Variants in HSD17B4 observed in about 807,000 individuals in gnomAD.
The protein encoded by HSD17B4 is hydroxysteroid 17-beta dehydrogenase 4.
Under a neutral mutation model 101.0 loss-of-function variants are expected in HSD17B4, and 70 were observed. The observed-to-expected ratio is 0.69, with a 90% CI of 0.57 to 0.85. The LOEUF (loss-of-function observed/expected upper bound fraction) is 0.85. HSD17B4 is among the 40% of genes least tolerant of loss of function. The pLI, the probability that HSD17B4 is intolerant of heterozygous loss-of-function variation, is 0.00. For synonymous variants in HSD17B4, 347 were observed against 297.1 expected, an observed-to-expected ratio of 1.17 and a Z score of -1.73; for missense variants, 984 against 892.4, an observed-to-expected ratio of 1.10 and a Z score of -1.31.
At chr5:119,499,662 T>C (rs1192498625) in intron 13 of HSD17B4, 109 bp downstream of exon 13, 7 of 551,722 alleles carry the variant, frequency 1.3e-5, no homozygotes, top group Non-Finnish European at 2.2e-5. Context: ...TATATTTATA[T>C]AATTATTTAT....
chr5:119,477,720 T>C (rs1748723411), intron 7 of HSD17B4: 1 of 523,812 alleles, frequency 1.9e-6, no homozygotes, highest in Non-Finnish European at 3.5e-6. Flanking sequence ...TTTTTACCTC[T>C]TTTTGTTATT....
intron 20 of HSD17B4, among the ~76,000 whole-genome samples, chr5:119,528,598 A>T (rs1393207594): frequency 3.3e-5 from 5 of 152,084 alleles, no homozygotes; most frequent in Non-Finnish European, 5.9e-5. Flanking sequence ...TTTGTTTTGT[A>T]TGAGTAAGTT....
intron 19 of HSD17B4, among the ~76,000 whole-genome samples, chr5:119,526,276 C>T (rs1039280757): frequency 2.0e-4 from 17 of 85,364 alleles, no homozygotes; most frequent in Non-Finnish European, 3.5e-4. Flanking sequence ...TAATTAGGTG[C>T]ATATATTATA....
At chr5:119,453,313 G>A (rs1754269954) in intron 1 of HSD17B4, among the ~76,000 whole-genome samples, 1 of 152,230 alleles carries the variant, frequency 6.6e-6, no homozygotes, top group Non-Finnish European at 1.5e-5. Flanking sequence ...CACATCTGAG[G>A]AACTGGAGAG....
At chr5:119,491,018 T>C (rs1750055661) in intron 9 of HSD17B4, among the ~76,000 whole-genome samples, 1 of 152,186 alleles carries the variant, frequency 6.6e-6, no homozygotes, top group Non-Finnish European at 1.5e-5. Flanking sequence ...TACTAAGAGC[T>C]GTGCATAATA....
chr5:119,496,669 G>A (rs369173676), intron 12 of HSD17B4, 23 bp downstream of exon 12: 27 of 1,284,480 alleles, frequency 2.1e-5, no homozygotes, highest in Non-Finnish European at 3.0e-5. Context: ...AAAGCCTAAA[G>A]CGTTTGCCTT....
intron 22 of HSD17B4, among the ~76,000 whole-genome samples, chr5:119,535,050 A>C (rs1377876985): frequency 6.6e-6 from 1 of 152,038 alleles, no homozygotes; most frequent in Non-Finnish European, 1.5e-5. Context: ...AGTTTCCTCA[A>C]ATTGTTAAAA....
At chr5:119,538,668 A>G (rs1042205188) in intron 23 of HSD17B4, among the ~76,000 whole-genome samples, 1 of 152,078 alleles carries the variant, frequency 6.6e-6, no homozygotes, top group Non-Finnish European at 1.5e-5. Flanking sequence ...TGTAATGCTA[A>G]TTCTAGTTAT....
intron 2 of HSD17B4, chr5:119,456,715 C>A (rs1185578006): frequency 3.4e-6 from 1 of 290,608 alleles, no homozygotes; most frequent in Non-Finnish European, 6.6e-6. Context: ...CCACTGCACT[C>A]CAATCTGGGT....
Position 119,489,227 on chromosome 5 carries a change from C to G in HSD17B4, c.658C>G (p.Pro220Ala), listed in dbSNP as rs750665868. 2 of 1,612,458 alleles carry G rather than the reference C, an allele frequency of 1.2e-6. No homozygotes were observed. Among genetic ancestry groups the G allele is most frequent in the Non-Finnish European group, 1.7e-6 (2 of 1,178,832 alleles). Residue 220 changes from proline to alanine, a missense_variant, in exon 9 of 24, where the codon CCT (proline) becomes GCT (alanine). Coordinates refer to ENST00000510025, the MANE Select transcript of HSD17B4 (RefSeq NM_000414.4). ...VEALKPEYVAPLVLWLCHESC... is the reference protein window; with the variant it reads ...VEALKPEYVAALVLWLCHESC... ...AGCCCTGAAGCCAGAGTATGTGGCA[C>G]CTCTTGTCCTTTGGCTTTGTCACGA...
At chr5:119,519,335 A>G (rs72788197) in intron 17 of HSD17B4, among the ~76,000 whole-genome samples, 8,088 of 152,302 alleles carry the variant, frequency 0.053, 284 homozygotes, top group Non-Finnish European at 0.074. Flanking sequence ...ATCTTATACT[A>G]TACATATCCT....
Position 119,515,033 on chromosome 5 carries a change from C to T in HSD17B4, c.1490C>T (p.Thr497Ile). ...RPPDAVLTDT[T>I]SLNQAALYRL... is the part of the protein sequence containing the mutation. Reference sequence around the variant, plus strand: ...CCTGATGCTGTACTTACAGATACCACCTCTCTTAATCAGGTAAGATTGTAT... The same window carrying T: ...CCTGATGCTGTACTTACAGATACCATCTCTCTTAATCAGGTAAGATTGTAT... Residue 497 changes from threonine (T) to isoleucine (I), a missense_variant, in exon 17 of 24, where the codon ACC becomes ATC. Thr to Ile is a moderately conservative substitution (Grantham distance 89). Transcript: ENST00000510025. 3 of 1,579,132 alleles carry T rather than the reference C, an allele frequency of 1.9e-6. No individual in the cohort carries two copies. The highest frequency in any genetic ancestry group is 2.6e-6 in the Non-Finnish European group (3 of 1,148,396).
chr5:119,509,914 G>A (rs542179087), intron 16 of HSD17B4, among the ~76,000 whole-genome samples: 1 of 152,272 alleles, frequency 6.6e-6, no homozygotes, highest in African/African-American at 2.4e-5. Context: ...TATGTTATTG[G>A]TAAGGGTTTT....
At chr5:119,477,564 A>C (rs1377689324) in intron 7 of HSD17B4, 63 bp downstream of exon 7, 2 of 1,042,718 alleles carry the variant, frequency 1.9e-6, no homozygotes, top group South Asian at 2.5e-5. Context: ...TCTTGTGTAC[A>C]GGGAAAGATT....
intron 2 of HSD17B4, among the ~76,000 whole-genome samples, chr5:119,469,301 CTTT>C (rs112466766): frequency 7.2e-6 from 1 of 138,608 alleles, no homozygotes. Flanking sequence ...TTCCATGTTT[CTTT>C]TTTTTTTTTA....
At chr5:119,524,692 T>C (rs972523855) in intron 17 of HSD17B4, among the ~76,000 whole-genome samples, 19 of 152,144 alleles carry the variant, frequency 1.2e-4, no homozygotes, top group African/African-American at 4.6e-4. Context: ...ACTTTTATCA[T>C]AATAGCAAGC....
At chr5:119,455,261 G>A (rs1005299534) in intron 1 of HSD17B4, among the ~76,000 whole-genome samples, 5 of 152,156 alleles carry the variant, frequency 3.3e-5, no homozygotes, top group African/African-American at 1.2e-4. Flanking sequence ...GCTCACGCCT[G>A]TAATCCCAGC....
At position 119,513,109 on chromosome 5, in the gene HSD17B4, G is replaced by A. The variant is rs117791539; in HGVS notation, c.1438-1872G>A. 5.0e-3 allele frequency among the ~76,000 whole-genome samples: 763 copies of A among 152,190 alleles called. 25 individuals are homozygous for A. In the East Asian group the frequency reaches 0.1, roughly 21 times the overall value. On this transcript the variant is annotated intron_variant, in intron 16 of 23. Coordinates refer to ENST00000510025, the MANE Select transcript of HSD17B4 (RefSeq NM_000414.4). ...GGATGTGAAAAAATTACCTTGACAG[G>A]TATTAAATGGGTATTATTTACGTGA...
At chr5:119,468,201 G>C (rs1192702714) in intron 2 of HSD17B4, among the ~76,000 whole-genome samples, 1 of 151,846 alleles carries the variant, frequency 6.6e-6, no homozygotes, top group African/African-American at 2.4e-5. Flanking sequence ...TATGTGCTCT[G>C]CCAGTGAGTT....
Sources: gnomAD v4.1 joint callset for allele counts (sites outside exome capture counted in the v4.1 genomes callset) on GRCh38, gnomAD v4.1.1 for gene constraint, MANE v1.5 for transcripts, NCBI Gene and HGNC (gene_info 2026-07-23, HGNC 2026-07-21) for gene names.